Variants in TMEM94 observed in about 807,000 individuals in gnomAD.
The protein encoded by TMEM94 is ER Mg2+ ATPase.
TMEM94 carries 81 observed loss-of-function variants against 158.6 expected under a neutral mutation model. The observed-to-expected ratio is 0.51, with a 90% CI of 0.43 to 0.61. The LOEUF (loss-of-function observed/expected upper bound fraction) is 0.61, where lower values mean the gene tolerates loss of function less well. Ranked by LOEUF, TMEM94 falls within the 20% of genes least tolerant of loss-of-function variation. The pLI, the probability that TMEM94 is intolerant of heterozygous loss-of-function variation, is 0.00. For synonymous variants in TMEM94, 751 were observed against 730.7 expected (o/e 1.03, Z -0.45); for missense variants, 1,435 against 1,762.0 (o/e 0.81, Z 3.32).
chr17:75,489,031 C>A lies in TMEM94; in HGVS notation c.764+121C>A. ...TCTTGAGGGCAGGCATCTCCTTAGG[C>A]TCCTGTCCTTAACATCTTGTGAGAA... On this transcript the variant is annotated intron_variant, in intron 7 of 31. Transcript: ENST00000314256. The surrounding 1 kb of genome is among the most constrained non-coding windows in gnomAD (Gnocchi z 5.0). 3 of 1,108,198 alleles carry A rather than the reference C, an allele frequency of 2.7e-6. No individual in the cohort carries two copies. Among genetic ancestry groups the A allele is most frequent in the Non-Finnish European group, 3.9e-6 (3 of 766,512 alleles). 68.6% of individuals were successfully genotyped at this position (1,108,198 alleles called of 1,614,324 possible).
chr17:75,492,623 C>T lies in TMEM94; in HGVS notation c.1746C>T (p.Leu582=). 1 of 1,614,120 alleles carries T rather than the reference C, an allele frequency of 6.2e-7. No homozygotes were observed. Among genetic ancestry groups the T allele is most frequent in the Non-Finnish European group, 8.5e-7 (1 of 1,180,034 alleles). ...ACTGGCAGCTGCACCTCACCTCCCTCAAACCCCTGGGCCTCAATGTGCTGC... is the reference window on the plus strand; with the variant it reads ...ACTGGCAGCTGCACCTCACCTCCCTTAAACCCCTGGGCCTCAATGTGCTGC... ...DSNWQLHLTS[L]KPLGLNVLLN... Residue 582 remains leucine (L), a synonymous_variant, in exon 15 of 32, where the codon CTC becomes CTT. Transcript: ENST00000314256. The surrounding 1 kb of genome is among the most constrained non-coding windows in gnomAD (Gnocchi z 4.4).
intron 2 of TMEM94, among the ~76,000 whole-genome samples, chr17:75,472,968 T>C (rs1429197033): frequency 6.6e-6 from 1 of 152,200 alleles, no homozygotes; most frequent in African/African-American, 2.4e-5. Flanking sequence ...TACTCGCTAT[T>C]CTATTGAAAT....
intron 1 of TMEM94, among the ~76,000 whole-genome samples, chr17:75,461,698 C>T (rs955169282): frequency 5.3e-5 from 8 of 151,342 alleles, no homozygotes; most frequent in African/African-American, 7.3e-5. Context: ...CCGAGGTGGG[C>T]GGATCACGAA....
chr17:75,463,105 T>TATATATACATATATAC lies in TMEM94; in HGVS notation c.-107+6354_-107+6355insATATATACATATATAC, dbSNP rs1259592506. On this transcript the variant is annotated intron_variant, in intron 1 of 31. Transcript: ENST00000314256. ...ACACACACACACACATATATATGTG[T>TATATATACATATATAC]GTATATATATGTATATATATACGTG... is the stretch of plus-strand genomic sequence containing the variant. Among the ~76,000 whole-genome samples the TATATATACATATATAC allele has an allele frequency of 2.6e-3, 28 of 10,748 alleles. 2 individuals are homozygous for TATATATACATATATAC. The African/African-American group carries it at 0.047, about 18-fold the overall frequency. The allele number at this position is 10,748 out of a possible 152,430, so 7.1% of individuals were successfully genotyped here. A position where few individuals can be genotyped will look rare whatever the true frequency, so the allele number is the denominator to read the frequency against.
Position 75,499,559 on chromosome 17 carries a change from G to GC in TMEM94, c.*227dup. 1 of 586,724 alleles carries GC rather than the reference G, an allele frequency of 1.7e-6. No individual in the cohort carries two copies. The highest frequency in any genetic ancestry group is 3.0e-6 in the Non-Finnish European group (1 of 330,054). 36.3% of individuals were successfully genotyped at this position (586,724 alleles called of 1,614,324 possible). Reference sequence around the variant, plus strand: ...TTGGCCAGTCCTGGCTCTTCCCTGGGCCTCACCAGGGACACTCTTGAATGT... The same window carrying GC: ...TTGGCCAGTCCTGGCTCTTCCCTGGGCCCTCACCAGGGACACTCTTGAATGT... On this transcript the variant is annotated 3_prime_UTR_variant, in exon 32 of 32. Transcript: ENST00000314256.
Position 75,491,160 on chromosome 17 carries a change from G to C in TMEM94, c.1233+7G>C. On this transcript the variant is annotated splice_region_variant and intron_variant, in intron 12 of 31. Transcript: ENST00000314256. The surrounding 1 kb of genome is among the most constrained non-coding windows in gnomAD (Gnocchi z 5.1). ...CAGCCTGGGCTCTGTCACGGTGAGG[G>C]TGGGCCTTGCGGGGAGGAGGCAACT... 4 of 1,605,528 alleles carry C rather than the reference G, an allele frequency of 2.5e-6. No homozygotes were observed. The South Asian group carries it at 4.4e-5, about 18-fold the overall frequency.
rs569282879 is a variant in TMEM94 at position 75,498,612 on chromosome 17, C to T, written c.3734-17C>T. 4.8e-5 allele frequency: 78 copies of T among 1,612,498 alleles called. No homozygotes were observed. Among genetic ancestry groups the T allele is most frequent in the South Asian group, 4.5e-4 (41 of 90,824 alleles). On this transcript the variant is annotated splice_polypyrimidine_tract_variant and intron_variant, in intron 29 of 31. Coordinates refer to ENST00000314256, the MANE Select transcript of TMEM94 (RefSeq NM_014738.6). This position sits in a 1 kb window ranked among gnomAD's most constrained non-coding sequence, Gnocchi z 6.7. ...CACTGTGGAAGTCTGACCCCCACAT[C>T]GCCCCACCTTCCCCAGTCTTCATTT...
chr17:75,471,918 G>C lies in TMEM94; in HGVS notation c.13G>C (p.Glu5Gln), dbSNP rs2050516701. 2.5e-6 allele frequency: 4 copies of C among 1,613,978 alleles called. No individual in the cohort carries two copies. MDLK[E>Q]KHLGEPPSAL... ...GTACTCTTGGCCCATGGACCTGAAG[G>C]AGAAGCACCTGGTAGGCCATATCCT... The change falls in exon 2 of 32, where the codon GAG (glutamate) becomes CAG (glutamine). Residue 5 changes from glutamate to glutamine, a missense_variant. Glu to Gln is a conservative substitution (Grantham distance 29). Around this residue, in one of 3 missense-constraint regions of TMEM94, gnomAD observed 1,051 missense variants for 1,254.4 expected, o/e 0.84. Coordinates refer to ENST00000314256, the MANE Select transcript of TMEM94 (RefSeq NM_014738.6).
Position 75,491,714 on chromosome 17 carries a change from G to C in TMEM94, c.1410G>C (p.Leu470=), listed in dbSNP as rs772007282. 1.2e-6 allele frequency: 2 copies of C among 1,614,058 alleles called. No individual in the cohort carries two copies. The highest frequency in any genetic ancestry group is 1.7e-6 in the Non-Finnish European group (2 of 1,180,030). ...HPEPHERDAL[L]AGSLNNTLHL... ...AGCCCCATGAACGAGACGCCCTCCTGGCTGGCTCCCTGAACAACACCCTGC... is the reference window on the plus strand; with the variant it reads ...AGCCCCATGAACGAGACGCCCTCCTCGCTGGCTCCCTGAACAACACCCTGC... The change falls in exon 14 of 32, where the codon CTG becomes CTC. Residue 470 remains leucine (L), a synonymous_variant. Transcript: ENST00000314256. The surrounding 1 kb of genome is among the most constrained non-coding windows in gnomAD (Gnocchi z 5.1).
chr17:75,489,258 T>C lies in TMEM94; in HGVS notation c.765-8T>C, dbSNP rs1458781684. 6.2e-7 allele frequency: 1 copy of C among 1,613,564 alleles called. No individual in the cohort carries two copies. The highest frequency in any genetic ancestry group is 8.5e-7 in the Non-Finnish European group (1 of 1,179,558). On this transcript the variant is annotated splice_region_variant and splice_polypyrimidine_tract_variant and intron_variant, in intron 7 of 31. Coordinates refer to ENST00000314256, the MANE Select transcript of TMEM94 (RefSeq NM_014738.6). The surrounding 1 kb of genome is among the most constrained non-coding windows in gnomAD (Gnocchi z 5.0). ...CCAAGTGAGACTGACAGTCACTTCT[T>C]TCTGCAGATGGTGCCTGGACATGGC... is the stretch of plus-strand genomic sequence containing the variant.
intron 2 of TMEM94, chr17:75,476,554 G>A (rs1000766914): frequency 1.2e-5 from 17 of 1,458,094 alleles, no homozygotes; most frequent in African/African-American, 1.4e-5. Context: ...TGCAGCACCC[G>A]GCTTCTTGCT....
At chr17:75,490,788 C>A in intron 11 of TMEM94, 30 bp downstream of exon 11, 5 of 1,599,480 alleles carry the variant, frequency 3.1e-6, no homozygotes, top group Non-Finnish European at 4.3e-6. Flanking sequence ...TGGCTTCTCT[C>A]GCAGGTCCCT....
chr17:75,463,806 T>A (rs2050194267), intron 1 of TMEM94, among the ~76,000 whole-genome samples: 1 of 152,200 alleles, frequency 6.6e-6, no homozygotes, highest in African/African-American at 2.4e-5. Context: ...AGAATTTGAT[T>A]AGCATACCAT....
rs2052781417 is a variant in TMEM94 at position 75,497,209 on chromosome 17, A to G, written c.3407+11A>G. ...CTACCCTCTGCTCAGGTGAGATGCC[A>G]TGTATCTTCCCCACACCCCATGCCT... On this transcript the variant is annotated intron_variant, in intron 26 of 31. Coordinates refer to ENST00000314256, the MANE Select transcript of TMEM94 (RefSeq NM_014738.6). The G allele has an allele frequency of 1.2e-6, 2 of 1,607,540 alleles. No homozygotes were observed. Among genetic ancestry groups the G allele is most frequent in the Non-Finnish European group, 1.7e-6 (2 of 1,174,480 alleles).
chr17:75,468,611 T>A (rs1265312029), intron 1 of TMEM94, among the ~76,000 whole-genome samples: 1 of 152,190 alleles, frequency 6.6e-6, no homozygotes. Flanking sequence ...ACTTCCAGCG[T>A]CACTGTCTGT....
rs761811205 is a variant in TMEM94, at chr17:75,490,222, G to A, written c.955-12G>A. 28 of 1,613,728 alleles carry A rather than the reference G, an allele frequency of 1.7e-5. No homozygotes were observed. Among genetic ancestry groups the A allele is most frequent in the Admixed American group, 3.3e-5 (2 of 60,008 alleles). On this transcript the variant is annotated splice_polypyrimidine_tract_variant and intron_variant, in intron 9 of 31. Coordinates refer to ENST00000314256, the MANE Select transcript of TMEM94 (RefSeq NM_014738.6). ...AGCTCAGGAGCCATCTGTGTGGTCC[G>A]CTCCTTCCCAGGTGAATGGCGTCCT... is the stretch of plus-strand genomic sequence containing the variant.
At chr17:75,490,432 C>A (rs1041181709) in intron 10 of TMEM94, 82 bp downstream of exon 10, 1 of 1,473,956 alleles carries the variant, frequency 6.8e-7, no homozygotes, top group Non-Finnish European at 9.2e-7. Context: ...GGGCAGAAGT[C>A]CAGCCCCACC....
chr17:75,473,292 G>A (rs1487229780), intron 2 of TMEM94, among the ~76,000 whole-genome samples: 1 of 152,202 alleles, frequency 6.6e-6, no homozygotes, highest in African/African-American at 2.4e-5. Context: ...TGGGTGCTCA[G>A]CAGATATCCA....
At position 75,495,075 on chromosome 17, in the gene TMEM94, G is replaced by GGA; in HGVS notation, c.2728+41_2728+42insGA. Reference sequence around the variant, plus strand: ...TGGGGTGGGGACGGGGTGGCGGTGGGAGGATTCCCCTCCTCAGAGCCACAG... The same window carrying GGA: ...TGGGGTGGGGACGGGGTGGCGGTGGGGAAGGATTCCCCTCCTCAGAGCCACAG... On this transcript the variant is annotated intron_variant, in intron 20 of 31. Transcript: ENST00000314256. This position sits in a 1 kb window ranked among gnomAD's most constrained non-coding sequence, Gnocchi z 5.6. 1 of 1,037,352 alleles carries GGA rather than the reference G, an allele frequency of 9.6e-7. No homozygotes were observed. Among genetic ancestry groups the GGA allele is most frequent in the Non-Finnish European group, 1.4e-6 (1 of 691,992 alleles). The allele number at this position is 1,037,352 out of a possible 1,614,324, so 64.3% of individuals were successfully genotyped here.
Sources: gnomAD v4.1 joint callset for allele counts (sites outside exome capture counted in the v4.1 genomes callset) on GRCh38, gnomAD v4.1.1 for gene constraint, gnomAD v4.1.1 regional missense constraint, Gnocchi (gnomAD v3.1) non-coding constraint, MANE v1.5 for transcripts, NCBI Gene and HGNC (gene_info 2026-07-23, HGNC 2026-07-21) for gene names.